Variants in FUT9 observed in about 807,000 individuals in gnomAD.
The protein encoded by FUT9 is 4-galactosyl-N-acetylglucosaminide 3-alpha-L-fucosyltransferase 9.
Under a neutral mutation model 29.7 loss-of-function variants are expected in FUT9, and 15 were observed. The ratio of observed to expected loss-of-function variants is 0.51; its 90% confidence interval spans 0.34 to 0.78. The LOEUF is 0.78. Among genes scored for constraint, FUT9 ranks in the 30% least tolerant of loss-of-function variants. FUT9 has a pLI of 0.01. For missense variants in FUT9, 319 were observed against 425.4 expected (o/e 0.75, Z 2.20); for synonymous variants, 169 against 153.7 (o/e 1.10, Z -0.74).
chr6:96,138,652 C>G (rs142031656), intron 2 of FUT9, among the ~76,000 whole-genome samples: 2 of 152,116 alleles, frequency 1.3e-5, no homozygotes, highest in African/African-American at 4.8e-5. Flanking sequence ...TCAGCAACTT[C>G]GAAGCTGGGC....
chr6:96,024,567 G>T (rs1406182176), intron 1 of FUT9, among the ~76,000 whole-genome samples: 2 of 151,652 alleles, frequency 1.3e-5, no homozygotes. Context: ...TGTTTTTCTA[G>T]GGTATGGGGT....
intron 1 of FUT9, among the ~76,000 whole-genome samples, chr6:96,061,728 G>A (rs1770877999): frequency 6.6e-6 from 1 of 152,064 alleles, no homozygotes; most frequent in African/African-American, 2.4e-5. Flanking sequence ...GTGGTGTCTA[G>A]CTACTTTTCA....
chr6:96,184,709 C>T (rs2127986922), intron 2 of FUT9, among the ~76,000 whole-genome samples: 1 of 152,018 alleles, frequency 6.6e-6, no homozygotes, highest in East Asian at 1.9e-4. Context: ...TCATTGTTGA[C>T]CTGATGATTA....
chr6:96,042,361 G>A (rs1392078060), intron 1 of FUT9, among the ~76,000 whole-genome samples: 2 of 152,164 alleles, frequency 1.3e-5, no homozygotes, highest in Admixed American at 1.3e-4. Context: ...TGGTGAACAA[G>A]TAGCAGATAG....
intron 2 of FUT9, among the ~76,000 whole-genome samples, chr6:96,172,050 G>T (rs1562151240): frequency 6.6e-6 from 1 of 152,114 alleles, no homozygotes; most frequent in Admixed American, 6.6e-5. Flanking sequence ...GAGTTCCAGG[G>T]GCTGGAAGTT....
intron 2 of FUT9, among the ~76,000 whole-genome samples, chr6:96,116,392 G>T (rs1027552287): frequency 9.9e-5 from 15 of 152,084 alleles, no homozygotes; most frequent in Admixed American, 9.2e-4. Flanking sequence ...GAAGTTAAAT[G>T]CTTACTTAAT....
chr6:96,088,205 G>A (rs1019086655), intron 1 of FUT9, among the ~76,000 whole-genome samples: 1 of 151,872 alleles, frequency 6.6e-6, no homozygotes, highest in South Asian at 2.1e-4. Context: ...AAACCTCCAC[G>A]TTGTGCACAT....
intron 2 of FUT9, among the ~76,000 whole-genome samples, chr6:96,116,296 G>A (rs1771910361): frequency 6.6e-6 from 1 of 152,100 alleles, no homozygotes. Context: ...TAAGCATGCA[G>A]AGCCACAGAG....
intron 2 of FUT9, among the ~76,000 whole-genome samples, chr6:96,198,729 C>T (rs1773675430): frequency 1.3e-5 from 2 of 152,160 alleles, no homozygotes; most frequent in Non-Finnish European, 2.9e-5. Context: ...TTTACAGTCC[C>T]ACCAGCAGTG....
At chr6:96,166,024 A>T (rs1393110262) in intron 2 of FUT9, among the ~76,000 whole-genome samples, 2 of 152,164 alleles carry the variant, frequency 1.3e-5, no homozygotes, top group Non-Finnish European at 2.9e-5. Flanking sequence ...AAAATCCCCC[A>T]AGGACATATG....
At chr6:96,020,231 G>T (rs369657097) in intron 1 of FUT9, among the ~76,000 whole-genome samples, 2 of 152,020 alleles carry the variant, frequency 1.3e-5, no homozygotes, top group African/African-American at 2.4e-5. Context: ...GCAGTGTAAG[G>T]TTTTTCATGT....
rs1370995215 is a variant in FUT9, at chr6:96,212,869, G to A, written c.*8634G>A. The A allele has an allele frequency of 6.0e-6, 1 of 166,788 alleles. No homozygotes were observed. Among genetic ancestry groups the A allele is most frequent in the Non-Finnish European group, 1.5e-5 (1 of 68,020 alleles). The allele number at this position is 166,788 out of a possible 1,614,324, so 10.3% of individuals were successfully genotyped here. Reference sequence around the variant, plus strand: ...GAAAAGTGTCAACAAGAAACAAGAAGAGGAGTAGTAAACTAAGGATCAAAG... The same window carrying A: ...GAAAAGTGTCAACAAGAAACAAGAAAAGGAGTAGTAAACTAAGGATCAAAG... On this transcript the variant is annotated 3_prime_UTR_variant, in exon 3 of 3. Coordinates refer to ENST00000302103, the MANE Select transcript of FUT9 (RefSeq NM_006581.4).
intron 1 of FUT9, among the ~76,000 whole-genome samples, chr6:96,030,184 C>T (rs1770236985): frequency 6.6e-6 from 1 of 151,438 alleles, no homozygotes; most frequent in African/African-American, 2.4e-5. Flanking sequence ...AACAGCAGAA[C>T]ATGGAAGAAA....
At chr6:96,047,510 T>C (rs1369347323) in intron 1 of FUT9, among the ~76,000 whole-genome samples, 1 of 152,216 alleles carries the variant, frequency 6.6e-6, no homozygotes, top group Non-Finnish European at 1.5e-5. Context: ...AAATCTTACT[T>C]CATACACTTA....
chr6:96,103,208 C>T (rs1229319787), intron 1 of FUT9, among the ~76,000 whole-genome samples: 1 of 152,184 alleles, frequency 6.6e-6, no homozygotes, highest in Non-Finnish European at 1.5e-5. Flanking sequence ...GGCAAATACA[C>T]ACACACAAAC....
intron 1 of FUT9, among the ~76,000 whole-genome samples, chr6:96,079,873 A>C (rs1025472306): frequency 6.6e-6 from 1 of 152,120 alleles, no homozygotes; most frequent in African/African-American, 2.4e-5. Flanking sequence ...AAATTTAATA[A>C]ACTCTAAGAA....
intron 2 of FUT9, among the ~76,000 whole-genome samples, chr6:96,163,487 T>C (rs944833602): frequency 2.6e-5 from 4 of 152,186 alleles, no homozygotes; most frequent in African/African-American, 9.7e-5. Flanking sequence ...CCAATCCCAG[T>C]GGCCATACTT....
At chr6:96,198,592 CT>C (rs1013412810) in intron 2 of FUT9, among the ~76,000 whole-genome samples, 6 of 152,108 alleles carry the variant, frequency 3.9e-5, no homozygotes, top group African/African-American at 1.4e-4. Flanking sequence ...GTGCATGTGT[CT>C]TTATAGCAGC....
intron 1 of FUT9, among the ~76,000 whole-genome samples, chr6:96,078,161 C>T (rs1380521872): frequency 6.6e-6 from 1 of 152,024 alleles, no homozygotes; most frequent in Non-Finnish European, 1.5e-5. Context: ...CAACTTTCTC[C>T]CTTTCAATTT....
Sources: allele counts gnomAD v4.1 joint callset (sites outside exome capture counted in the v4.1 genomes callset), GRCh38; gene constraint gnomAD v4.1.1; transcripts MANE v1.5; gene names NCBI Gene and HGNC (gene_info 2026-07-23, HGNC 2026-07-21).